TJP2: variants seen among roughly 807,000 people sequenced by gnomAD.
TJP2 encodes tight junction protein 2.
In TJP2, 91 loss-of-function variants were observed where a neutral mutation model predicts 133.1. The observed-to-expected ratio is 0.68, with a 90% CI of 0.58 to 0.81. The LOEUF (loss-of-function observed/expected upper bound fraction) is 0.81. Among genes scored for constraint, TJP2 ranks in the 40% least tolerant of loss-of-function variants. The pLI is 0.00. For synonymous variants in TJP2, 592 were observed against 583.4 expected, an observed-to-expected ratio of 1.01 and a Z score of -0.21; for missense variants, 1,541 against 1,565.6, an observed-to-expected ratio of 0.98 and a Z score of 0.26.
intron 21 of TJP2, among the ~76,000 whole-genome samples, chr9:69,252,378 C>CT (rs899070722): frequency 6.6e-6 from 1 of 152,108 alleles, no homozygotes; most frequent in Non-Finnish European, 1.5e-5. Context: ...ATCCCCAAAA[C>CT]TTTTTTATCC....
chr9:69,237,376 G>A (rs143540779), intron 14 of TJP2, among the ~76,000 whole-genome samples: 179 of 152,202 alleles, frequency 1.2e-3, no homozygotes, highest in African/African-American at 4.1e-3. Flanking sequence ...CAAGAGTTTC[G>A]GTATATTGGC....
intron 1 of TJP2, among the ~76,000 whole-genome samples, chr9:69,176,873 C>G (rs1825130662): frequency 6.6e-6 from 1 of 151,412 alleles, no homozygotes; most frequent in African/African-American, 2.4e-5. Context: ...GGCGGGGCCA[C>G]TTTAGTCCTG....
intron 1 of TJP2, among the ~76,000 whole-genome samples, chr9:69,149,507 G>A (rs1047176946): frequency 1.3e-5 from 2 of 152,190 alleles, no homozygotes; most frequent in Non-Finnish European, 2.9e-5. Flanking sequence ...CCTCCCGCCT[G>A]TACAAATAAA....
At chr9:69,239,290 G>A (rs780659270) in intron 16 of TJP2, among the ~76,000 whole-genome samples, 66 of 150,294 alleles carry the variant, frequency 4.4e-4, no homozygotes, top group African/African-American at 1.3e-3. Flanking sequence ...CAGCCTGGGC[G>A]ACAAGAGTGA....
intron 12 of TJP2, among the ~76,000 whole-genome samples, chr9:69,234,943 C>T (rs1830073405): frequency 6.6e-6 from 1 of 152,140 alleles, no homozygotes; most frequent in Non-Finnish European, 1.5e-5. Context: ...TTGTTCCCAT[C>T]TGTTAAGTGG....
chr9:69,184,612 C>T (rs1461539770), intron 1 of TJP2, among the ~76,000 whole-genome samples: 1 of 152,170 alleles, frequency 6.6e-6, no homozygotes, highest in Non-Finnish European at 1.5e-5. Context: ...AAACTCAGTG[C>T]CAGCAAAGAA....
chr9:69,177,339 G>T (rs1825170633), intron 1 of TJP2, among the ~76,000 whole-genome samples: 1 of 152,176 alleles, frequency 6.6e-6, no homozygotes, highest in African/African-American at 2.4e-5. Flanking sequence ...AAATCCAAGG[G>T]TTAGGGTCAG....
chr9:69,184,752 CTTTTT>C (rs564424748), intron 1 of TJP2, among the ~76,000 whole-genome samples: 2 of 125,858 alleles, frequency 1.6e-5, no homozygotes, highest in Non-Finnish European at 1.6e-5. Flanking sequence ...TCTCTCTCTT[CTTTTT>C]TTTTTTTTTT....
chr9:69,132,549 C>G (rs1822543182), intron 1 of TJP2, among the ~76,000 whole-genome samples: 1 of 152,118 alleles, frequency 6.6e-6, no homozygotes. Context: ...AACTGGGATT[C>G]CTGCACTACA....
chr9:69,143,285 C>G (rs2133300610), intron 1 of TJP2, among the ~76,000 whole-genome samples: 1 of 152,310 alleles, frequency 6.6e-6, no homozygotes, highest in African/African-American at 2.4e-5. Context: ...TATCATGTCA[C>G]TTTTCACTGC....
Position 69,251,303 on chromosome 9 carries a change from A to C in TJP2, c.3260A>C (p.Lys1087Thr). The C allele has an allele frequency of 1.2e-6, 2 of 1,614,226 alleles. No individual in the cohort carries two copies. The highest frequency in any genetic ancestry group is 1.7e-6 in the Non-Finnish European group (2 of 1,180,042). ...CTGGGCAAAGTCAAAATATTTGAGA[A>C]GATGGATCACAAGGCCAGGTTACAG... ...SVLGKVKIFE[K>T]MDHKARLQRM... The change falls in exon 21 of 23, where the codon AAG becomes ACG. Residue 1087 changes from lysine (K) to threonine (T), a missense_variant. Transcript: ENST00000377245.
In TJP2 at chr9:69,187,727, T is replaced by C. The variant is rs149349574; in HGVS notation, c.60+13295T>C. On this transcript the variant is annotated intron_variant, in intron 1 of 22. Coordinates refer to ENST00000377245, the MANE Select transcript of TJP2 (RefSeq NM_004817.4). ...TTGGATGGGTGGTCAGTTTTAACAT[T>C]AGGGGGTGTTGATTGTGAGCTCTTG... Among the ~76,000 whole-genome samples, 1,014 of 152,216 alleles carry C rather than the reference T, an allele frequency of 6.7e-3. 10 individuals are homozygous for C. Among genetic ancestry groups the C allele is most frequent in the Middle Eastern group, 0.017 (5 of 294 alleles).
In TJP2 at chr9:69,230,124, G is replaced by A. The variant is rs1413221647; in HGVS notation, c.1563G>A (p.Val521=). The part of the protein sequence containing the change: ...KMVRFKKGDS[V]GLRLAGGNDV... ...TAAGGTTCAAGAAGGGAGACAGCGT[G>A]GGCCTCCGGTTGGCTGGTGGCAATG... Residue 521 remains valine, a synonymous_variant, in exon 11 of 23, where the codon GTG becomes GTA. Transcript: ENST00000377245. 6.2e-7 allele frequency: 1 copy of A among 1,614,170 alleles called. No homozygotes were observed. The highest frequency in any genetic ancestry group is 8.5e-7 in the Non-Finnish European group (1 of 1,180,040).
At chr9:69,227,503 C>T (rs1256901377) in intron 7 of TJP2, among the ~76,000 whole-genome samples, 1 of 152,166 alleles carries the variant, frequency 6.6e-6, no homozygotes, top group African/African-American at 2.4e-5. Flanking sequence ...AGAATTTTGA[C>T]TCTTCTGTAG....
Position 69,200,177 on chromosome 9 carries a change from T to C in TJP2, c.61-12371T>C, listed in dbSNP as rs1826883567. Reference sequence around the variant, plus strand: ...GGCCGCACTGAGTACTCGCAATGTCTTGAACACCCTTGCAGGTTACCCCTC... The same window carrying C: ...GGCCGCACTGAGTACTCGCAATGTCCTGAACACCCTTGCAGGTTACCCCTC... On this transcript the variant is annotated intron_variant, in intron 1 of 22. Coordinates refer to ENST00000377245, the MANE Select transcript of TJP2 (RefSeq NM_004817.4). 2.6e-5 allele frequency among the ~76,000 whole-genome samples: 4 copies of C among 151,178 alleles called. No homozygotes were observed. The South Asian group carries it at 8.4e-4, about 32-fold the overall frequency.
chr9:69,131,485 T>C (rs972761891), intron 1 of TJP2, among the ~76,000 whole-genome samples: 1 of 152,188 alleles, frequency 6.6e-6, no homozygotes, highest in Non-Finnish European at 1.5e-5. Flanking sequence ...CTAATTTGAT[T>C]GTATATTTCA....
At chr9:69,242,382 G>A (rs558520820) in intron 17 of TJP2, among the ~76,000 whole-genome samples, 19 of 152,304 alleles carry the variant, frequency 1.2e-4, no homozygotes, top group African/African-American at 4.3e-4. Context: ...CTAGCACATG[G>A]GCAAGGCATA....
At chr9:69,212,292 G>A (rs766527927) in intron 1 of TJP2, among the ~76,000 whole-genome samples, 6 of 152,202 alleles carry the variant, frequency 3.9e-5, no homozygotes, top group Non-Finnish European at 8.8e-5. Context: ...AAAGGACTCA[G>A]CACTTAACAT....
In TJP2 at chr9:69,222,450, G is replaced by A. The variant is rs565832374; in HGVS notation, c.952+954G>A. Among the ~76,000 whole-genome samples the A allele has an allele frequency of 2.0e-5, 3 of 152,264 alleles. No homozygotes were observed. The South Asian group carries it at 6.2e-4, about 32-fold the overall frequency. On this transcript the variant is annotated intron_variant, in intron 5 of 22. Transcript: ENST00000377245. ...CAAAGTGCTGGGATTACAGGTGTGA[G>A]CCACCGCATCTGGCCGAGCTATCTC...
Sources: allele counts gnomAD v4.1 joint callset (sites outside exome capture counted in the v4.1 genomes callset), GRCh38; gene constraint gnomAD v4.1.1; transcripts MANE v1.5; gene names NCBI Gene and HGNC (gene_info 2026-07-23, HGNC 2026-07-21).